FSTL5: variants seen among roughly 807,000 people sequenced by gnomAD.
The protein encoded by FSTL5 is follistatin like 5, also known as follistatin-related protein 5.
In FSTL5, 62 loss-of-function variants were observed where a neutral mutation model predicts 89.1. That is an observed-to-expected ratio of 0.70 (90% CI 0.57 to 0.86). The LOEUF (loss-of-function observed/expected upper bound fraction) is 0.86. Among genes scored for constraint, FSTL5 ranks in the 40% least tolerant of loss-of-function variants. FSTL5 has a pLI of 0.00. For synonymous variants in FSTL5, 383 were observed against 346.2 expected, an observed-to-expected ratio of 1.11 and a Z score of -1.18; for missense variants, 1,057 against 1,001.6, an observed-to-expected ratio of 1.06 and a Z score of -0.75.
intron 8 of FSTL5, among the ~76,000 whole-genome samples, chr4:161,562,041 T>C (rs558163577): frequency 3.9e-5 from 6 of 152,154 alleles, no homozygotes; most frequent in African/African-American, 1.4e-4. Flanking sequence ...CCCACCTTAC[T>C]GAGAGTGGAG....
chr4:161,492,941 C>T (rs1281446398), intron 12 of FSTL5, among the ~76,000 whole-genome samples: 1 of 151,730 alleles, frequency 6.6e-6, no homozygotes, highest in African/African-American at 2.4e-5. Context: ...AAAATTGAAA[C>T]ACTATTTCCT....
chr4:162,000,454 C>T (rs112079730), intron 3 of FSTL5, among the ~76,000 whole-genome samples: 6,014 of 151,648 alleles, frequency 0.04, 145 homozygotes, highest in Non-Finnish European at 0.062. Context: ...CAAAATTAGC[C>T]GGGCGTGGTG....
At chr4:161,478,160 T>C (rs1729359985) in intron 13 of FSTL5, among the ~76,000 whole-genome samples, 1 of 152,120 alleles carries the variant, frequency 6.6e-6, no homozygotes, top group Admixed American at 6.5e-5. Flanking sequence ...AGTAGTATTA[T>C]TCACCATAGT....
At chr4:162,141,086 G>A (rs2111480807) in intron 1 of FSTL5, among the ~76,000 whole-genome samples, 1 of 149,236 alleles carries the variant, frequency 6.7e-6, no homozygotes, top group East Asian at 2.0e-4. Flanking sequence ...TTAAGAGTGT[G>A]GCACCTCCCT....
intron 7 of FSTL5, among the ~76,000 whole-genome samples, chr4:161,615,101 T>C (rs372109638): frequency 5.9e-5 from 9 of 152,016 alleles, no homozygotes; most frequent in African/African-American, 2.2e-4. Context: ...CAGACCATCC[T>C]GGCTAACACG....
At chr4:162,080,694 G>T (rs1730058302) in intron 2 of FSTL5, among the ~76,000 whole-genome samples, 1 of 151,504 alleles carries the variant, frequency 6.6e-6, no homozygotes, top group South Asian at 2.1e-4. Flanking sequence ...TTTTCAGTTT[G>T]AGTATCAATA....
intron 2 of FSTL5, among the ~76,000 whole-genome samples, chr4:162,045,448 T>C (rs1738133831): frequency 6.6e-6 from 1 of 152,104 alleles, no homozygotes. Flanking sequence ...TCATCACAAT[T>C]TCATGCTTCT....
intron 6 of FSTL5, among the ~76,000 whole-genome samples, chr4:161,715,059 T>C (rs942224519): frequency 2.0e-5 from 3 of 152,122 alleles, no homozygotes; most frequent in African/African-American, 7.2e-5. Context: ...TTTAAAATAA[T>C]AATAGGAGCT....
intron 13 of FSTL5, among the ~76,000 whole-genome samples, chr4:161,476,189 G>GTTTTTTTTTTTTTTTTTTTTT (rs1241724019): frequency 5.6e-5 from 6 of 106,894 alleles, no homozygotes; most frequent in East Asian, 3.0e-4. Context: ...TTTTTTTTTT[G>GTTTTTTTTTTTTTTTTTTTTT]TTTGTTTGTT....
intron 6 of FSTL5, among the ~76,000 whole-genome samples, chr4:161,679,486 C>T (rs938483419): frequency 1.3e-5 from 2 of 151,666 alleles, no homozygotes; most frequent in African/African-American, 2.4e-5. Flanking sequence ...ATTTAAATTC[C>T]ACACTTGCCA....
rs35910528 is a variant in FSTL5 at position 161,561,193 on chromosome 4, T to TGATAGATA, written c.1016-18508_1016-18501dup. Reference sequence around the variant, plus strand: ...GTGCAGTGCATAACTGTATTTTAGATGATAGATAGATAGATAGATAGATAC... The same window carrying TGATAGATA: ...GTGCAGTGCATAACTGTATTTTAGATGATAGATAGATAGATAGATAGATAGATAGATAC... On this transcript the variant is annotated intron_variant, in intron 8 of 15. Transcript: ENST00000306100. Among the ~76,000 whole-genome samples the TGATAGATA allele has an allele frequency of 6.7e-3, 1,009 of 150,438 alleles. 6 individuals carry two copies. The highest frequency in any genetic ancestry group is 0.018 in the African/African-American group (719 of 41,048).
At chr4:162,143,341 TA>T (rs2111488812) in intron 1 of FSTL5, among the ~76,000 whole-genome samples, 1 of 152,272 alleles carries the variant, frequency 6.6e-6, no homozygotes, top group South Asian at 2.1e-4. Flanking sequence ...CCATTTGATT[TA>T]ATTCAATTTT....
chr4:162,012,344 A>G (rs1158801517), intron 3 of FSTL5, among the ~76,000 whole-genome samples: 1 of 152,214 alleles, frequency 6.6e-6, no homozygotes, highest in African/African-American at 2.4e-5. Flanking sequence ...TTTAATAATC[A>G]TTATTCCAAC....
chr4:161,412,513 TA>T (rs536259736), intron 15 of FSTL5, among the ~76,000 whole-genome samples: 6 of 151,772 alleles, frequency 4.0e-5, no homozygotes, highest in Non-Finnish European at 7.4e-5. Context: ...GGTAGGGGGA[TA>T]GGGGCGGGAT....
intron 2 of FSTL5, among the ~76,000 whole-genome samples, chr4:162,073,175 A>T (rs1729696795): frequency 6.6e-6 from 1 of 151,800 alleles, no homozygotes; most frequent in Non-Finnish European, 1.5e-5. Flanking sequence ...ATAAACATAC[A>T]TATTAACATC....
At position 161,933,605 on chromosome 4, in the gene FSTL5, AT is replaced by A. The variant is rs11435801; in HGVS notation, c.161-12954del. ...TAATAGAACTCAGATTTGATCATGG[AT>A]TTTTTTTTTTTAATGATTAGGATTT... is the stretch of plus-strand genomic sequence containing the variant. On this transcript the variant is annotated intron_variant, in intron 3 of 15. Transcript: ENST00000306100. Among the ~76,000 whole-genome samples, 384 of 146,038 alleles carry A rather than the reference AT, an allele frequency of 2.6e-3. 10 individuals are homozygous for A. In the East Asian group the frequency reaches 0.05, roughly 19 times the overall value.
intron 7 of FSTL5, among the ~76,000 whole-genome samples, chr4:161,601,464 G>C (rs1005451977): frequency 1.3e-5 from 2 of 151,924 alleles, no homozygotes; most frequent in Non-Finnish European, 2.9e-5. Context: ...ATGTGAACAA[G>C]GTAGGAACAC....
intron 2 of FSTL5, among the ~76,000 whole-genome samples, chr4:162,055,544 T>C (rs1449084456): frequency 6.6e-6 from 1 of 151,514 alleles, no homozygotes; most frequent in African/African-American, 2.4e-5. Flanking sequence ...GATAGATAGA[T>C]AGATAGATAG....
intron 15 of FSTL5, among the ~76,000 whole-genome samples, chr4:161,415,184 A>G (rs1705614093): frequency 6.6e-6 from 1 of 152,170 alleles, no homozygotes; most frequent in Admixed American, 6.5e-5. Flanking sequence ...ATACATAAAT[A>G]TATTTAAGAG....
Sources: gnomAD v4.1 joint callset for allele counts (sites outside exome capture counted in the v4.1 genomes callset) on GRCh38, gnomAD v4.1.1 for gene constraint, MANE v1.5 for transcripts, NCBI Gene and HGNC (gene_info 2026-07-23, HGNC 2026-07-21) for gene names.